The following ZNF346 variants were observed in gnomAD, a reference collection of about 807,000 sequenced individuals.
ZNF346 encodes the protein double-stranded RNA-binding zinc finger protein JAZ.
Under a neutral mutation model 33.7 loss-of-function variants are expected in ZNF346, and 23 were observed. The observed-to-expected ratio is 0.68, with a 90% CI of 0.49 to 0.97. The LOEUF (loss-of-function observed/expected upper bound fraction) is 0.97, where lower values mean the gene tolerates loss of function less well. ZNF346 is among the 50% of genes least tolerant of loss of function. The pLI is 0.00. For synonymous variants in ZNF346, 134 were observed against 142.4 expected, an observed-to-expected ratio of 0.94 and a Z score of 0.42; for missense variants, 340 against 371.1, an observed-to-expected ratio of 0.92 and a Z score of 0.69.
intron 8 of ZNF346, among the ~76,000 whole-genome samples, chr5:177,074,640 A>T (rs897028962): frequency 2.0e-5 from 3 of 152,204 alleles, no homozygotes; most frequent in Non-Finnish European, 4.4e-5. Context: ...GAGCCAGTAC[A>T]TTCACTATTT....
At chr5:177,026,026 T>C (rs1776718328) in intron 1 of ZNF346, among the ~76,000 whole-genome samples, 1 of 151,856 alleles carries the variant, frequency 6.6e-6, no homozygotes, top group Non-Finnish European at 1.5e-5. Flanking sequence ...AGTCTCACCC[T>C]GTCACCCAGG....
chr5:177,051,170 CTTTTTTTTTTTT>C (rs906484576), intron 5 of ZNF346, among the ~76,000 whole-genome samples: 2 of 104,846 alleles, frequency 1.9e-5, no homozygotes, highest in African/African-American at 8.0e-5. Context: ...GTTTTCTTTT[CTTTTTTTTTTTT>C]TTTTTTTTTT....
intron 4 of ZNF346, among the ~76,000 whole-genome samples, chr5:177,046,053 A>G (rs141300060): frequency 0.033 from 5,033 of 152,012 alleles, 294 homozygotes; most frequent in African/African-American, 0.11. Flanking sequence ...TAATCCCAGC[A>G]CTTTGGGAGG....
At chr5:177,044,311 T>C in intron 3 of ZNF346, 78 bp from the exon 4 acceptor site, 1 of 1,564,658 alleles carries the variant, frequency 6.4e-7, no homozygotes. Context: ...CCTGTTCTGT[T>C]ATGGGCAGTG....
At chr5:177,053,544 G>A (rs913575914) in intron 5 of ZNF346, among the ~76,000 whole-genome samples, 14 of 152,018 alleles carry the variant, frequency 9.2e-5, no homozygotes, top group African/African-American at 3.4e-4. Flanking sequence ...CCTTAAAGTT[G>A]ACTGGACCAT....
At position 177,065,750 on chromosome 5, in the gene ZNF346, G is replaced by C. The variant is rs1038046227; in HGVS notation, c.*1151G>C. ...ATTCCAAGGAGTGTCACCATCAGAG[G>C]CTTCTCTTCATTGTGTCAAAGAAGC... On this transcript the variant is annotated 3_prime_UTR_variant, in exon 7 of 7. Transcript: ENST00000358149. 14 of 152,200 alleles carry C rather than the reference G, an allele frequency of 9.2e-5. No homozygotes were observed. Among genetic ancestry groups the C allele is most frequent in the African/African-American group, 3.4e-4 (14 of 41,444 alleles). 9.4% of individuals were successfully genotyped at this position (152,200 alleles called of 1,614,324 possible). A position where few individuals can be genotyped will look rare whatever the true frequency, so the allele number is the denominator to read the frequency against.
At chr5:177,059,986 G>A (rs981373223) in intron 5 of ZNF346, among the ~76,000 whole-genome samples, 12 of 152,162 alleles carry the variant, frequency 7.9e-5, no homozygotes, top group Non-Finnish European at 1.0e-4. Context: ...ATCAAGAAAG[G>A]CACCCCAGAG....
chr5:177,036,397 TC>T (rs1188196093), intron 1 of ZNF346, among the ~76,000 whole-genome samples: 1 of 152,216 alleles, frequency 6.6e-6, no homozygotes, highest in Non-Finnish European at 1.5e-5. Context: ...AACTAGGGAT[TC>T]AACAAGATCT....
chr5:177,047,016 ATTTT>A (rs1358265952), intron 4 of ZNF346, among the ~76,000 whole-genome samples: 1 of 148,684 alleles, frequency 6.7e-6, no homozygotes, highest in African/African-American at 2.5e-5. Context: ...GGTTTTTAAA[ATTTT>A]TTTATTTATT....
chr5:177,040,386 C>T (rs1375901919), intron 1 of ZNF346, among the ~76,000 whole-genome samples: 2 of 152,066 alleles, frequency 1.3e-5, no homozygotes, highest in African/African-American at 2.4e-5. Context: ...AGCTCTGTCA[C>T]CCAAGTTGGA....
intron 1 of ZNF346, among the ~76,000 whole-genome samples, chr5:177,034,543 T>G (rs572576246): frequency 6.6e-6 from 1 of 152,224 alleles, no homozygotes; most frequent in East Asian, 1.9e-4. Flanking sequence ...TTTGTTAAGT[T>G]TATTAATTAT....
rs149761845 is a variant in ZNF346 at position 177,061,127 on chromosome 5, G to A, written c.704-931G>A. 6.0e-5 allele frequency among the ~76,000 whole-genome samples: 9 copies of A among 149,510 alleles called. No homozygotes were observed. The East Asian group carries it at 1.0e-3, about 17-fold the overall frequency. On this transcript the variant is annotated intron_variant, in intron 5 of 6. Transcript: ENST00000358149. ...ACTGTCTCAAAAAAAAACAAGTTGCGGTGTAATTGGTTTGAGGGTAAGAAA... is the reference window on the plus strand; with the variant it reads ...ACTGTCTCAAAAAAAAACAAGTTGCAGTGTAATTGGTTTGAGGGTAAGAAA...
intron 1 of ZNF346, among the ~76,000 whole-genome samples, chr5:177,024,129 T>G (rs1332960943): frequency 6.9e-6 from 1 of 144,398 alleles, no homozygotes; most frequent in East Asian, 2.0e-4. Flanking sequence ...ATATATATTT[T>G]TATATACACT....
Position 177,064,847 on chromosome 5 carries a change from G to A in ZNF346, c.*248G>A, listed in dbSNP as rs1224520740. On this transcript the variant is annotated 3_prime_UTR_variant, in exon 7 of 7. Coordinates refer to ENST00000358149, the MANE Select transcript of ZNF346 (RefSeq NM_012279.4). Reference sequence around the variant, plus strand: ...GAGAGACTCGGGGTCTCGCGGGGTGGTAGTTTGGAGGGTGGCTTTCCCCAT... The same window carrying A: ...GAGAGACTCGGGGTCTCGCGGGGTGATAGTTTGGAGGGTGGCTTTCCCCAT... 6.1e-6 allele frequency: 3 copies of A among 489,450 alleles called. No individual in the cohort carries two copies. Among genetic ancestry groups the A allele is most frequent in the African/African-American group, 1.9e-5 (1 of 51,704 alleles). 30.3% of individuals were successfully genotyped at this position (489,450 alleles called of 1,614,324 possible). A position where few individuals can be genotyped will look rare whatever the true frequency, so the allele number is the denominator to read the frequency against.
At position 177,041,988 on chromosome 5, in the gene ZNF346, G is replaced by A. The variant is rs973507663; in HGVS notation, c.372+118G>A. On this transcript the variant is annotated intron_variant, in intron 3 of 6. Transcript: ENST00000358149. ...ATCCTGGCCCTGTTGTGTGACTCGG[G>A]CAAGTCTATTACTTCACAAAGCCTT... 6 of 606,296 alleles carry A rather than the reference G, an allele frequency of 9.9e-6. No individual in the cohort carries two copies. The Admixed American group carries it at 1.4e-4, about 14-fold the overall frequency. The allele number at this position is 606,296 out of a possible 1,614,324, so 37.6% of individuals were successfully genotyped here.
intron 1 of ZNF346, 24 bp downstream of exon 1, chr5:177,022,937 G>A (rs1776019139): frequency 4.8e-6 from 7 of 1,452,068 alleles, no homozygotes; most frequent in Non-Finnish European, 6.3e-6. Flanking sequence ...TTTGGAGGCA[G>A]AAAGCCCCTC....
Position 177,022,913 on chromosome 5 carries a change from G to T in ZNF346, c.175G>T (p.Val59Leu). 6.8e-7 allele frequency: 1 copy of T among 1,471,454 alleles called. No individual in the cohort carries two copies. The highest frequency in any genetic ancestry group is 2.5e-5 in the East Asian group (1 of 39,674). 91.1% of individuals were successfully genotyped at this position (1,471,454 alleles called of 1,614,324 possible). A position where few individuals can be genotyped will look rare whatever the true frequency, so the allele number is the denominator to read the frequency against. Residue 59 changes from valine (V) to leucine (L), a missense_variant and splice_region_variant, in exon 1 of 7, where the codon GTG (valine) becomes TTG (leucine). Val to Leu is a conservative substitution (Grantham distance 32). Transcript: ENST00000358149. ...SGAQPVGREEVEHMIQKNQCL... is the reference protein window; with the variant it reads ...SGAQPVGREELEHMIQKNQCL... Reference sequence around the variant, plus strand: ...TGCCCAGCCGGTGGGTAGAGAGGAAGGTGAGTCGGGGGCTTTGGAGGCAGA... The same window carrying T: ...TGCCCAGCCGGTGGGTAGAGAGGAATGTGAGTCGGGGGCTTTGGAGGCAGA...
chr5:177,060,780 C>T (rs1562029178), intron 5 of ZNF346, among the ~76,000 whole-genome samples: 1 of 152,002 alleles, frequency 6.6e-6, no homozygotes, highest in Non-Finnish European at 1.5e-5. Context: ...TGCACTCCAG[C>T]CTGGGCAACA....
Position 177,064,572 on chromosome 5 carries a change from G to T in ZNF346, c.858G>T (p.Gln286His). The part of the protein sequence containing the change: ...GQIPMQRQPI[Q>H]KDSTTLED ...TTCCAATGCAAAGGCAACCCATTCA[G>T]AAAGACTCAACCACCTTGGAAGACT... Residue 286 changes from glutamine (Q) to histidine (H), a missense_variant, in exon 7 of 7, where the codon CAG (glutamine) becomes CAT (histidine). Gln to His is a conservative substitution (Grantham distance 24). Transcript: ENST00000358149. 6.2e-7 allele frequency: 1 copy of T among 1,614,206 alleles called. No individual in the cohort carries two copies. The highest frequency in any genetic ancestry group is 1.1e-5 in the South Asian group (1 of 91,088).
Sources: gnomAD v4.1 joint callset for allele counts (sites outside exome capture counted in the v4.1 genomes callset) on GRCh38, gnomAD v4.1.1 for gene constraint, MANE v1.5 for transcripts, NCBI Gene and HGNC (gene_info 2026-07-23, HGNC 2026-07-21) for gene names.